Variants in KDR observed in about 807,000 individuals in gnomAD.
KDR encodes vascular endothelial growth factor receptor 2.
KDR carries 43 observed loss-of-function variants against 160.9 expected under a neutral mutation model. The ratio of observed to expected loss-of-function variants is 0.27; its 90% confidence interval spans 0.21 to 0.34. The LOEUF is 0.34. KDR is among the 10% of genes least tolerant of loss of function. The pLI, the probability that KDR is intolerant of heterozygous loss-of-function variation, is 1.00. For missense variants in KDR, 1,469 were observed against 1,666.4 expected, an observed-to-expected ratio of 0.88 and a Z score of 2.06; for synonymous variants, 617 against 600.1, an observed-to-expected ratio of 1.03 and a Z score of -0.41.
rs377518130 is a variant in KDR at position 55,089,949 on chromosome 4, A to T, written c.3192+7T>A. 3.5e-5 allele frequency: 57 copies of T among 1,614,014 alleles called. No homozygotes were observed. Among genetic ancestry groups the T allele is most frequent in the Middle Eastern group, 1.6e-4 (1 of 6,082 alleles). Reference sequence around the variant, plus strand: ...AACCAAGCACTGGGTTCATATTTGAAACTTACATCTCCTTTTCTGACATAA... The same window carrying T: ...AACCAAGCACTGGGTTCATATTTGATACTTACATCTCCTTTTCTGACATAA... On this transcript the variant is annotated splice_region_variant and intron_variant, in intron 23 of 29. Coordinates refer to ENST00000263923, the MANE Select transcript of KDR (RefSeq NM_002253.4).
In KDR at chr4:55,110,713, C is replaced by T. The variant is rs367820756; in HGVS notation, c.1032G>A (p.Val344=). ...SGMESLVEAT[V]GERVRIPAKY... is the part of the protein sequence containing the mutation. ...TCGCAGGGATTCTGACACGCTCCCC[C>T]ACCGTGGCTTCCACCAGAGATTCCA... Residue 344 remains valine, a synonymous_variant, in exon 8 of 30, where the codon GTG becomes GTA. Transcript: ENST00000263923. 6.2e-7 allele frequency: 1 copy of T among 1,613,602 alleles called. No homozygotes were observed.
intron 28 of KDR, 25 bp from the exon 29 acceptor site, chr4:55,082,066 AC>A (rs1383064959): frequency 6.9e-7 from 1 of 1,453,720 alleles, no homozygotes; most frequent in African/African-American, 1.4e-5. Flanking sequence ...ATGAGATGGC[AC>A]AGTTAATTGA....
intron 8 of KDR, 34 bp downstream of exon 8, chr4:55,110,620 G>T (rs751032533): frequency 4.3e-6 from 7 of 1,611,984 alleles, no homozygotes; most frequent in African/African-American, 1.3e-5. Flanking sequence ...GCTCTCACAC[G>T]AAATGATGCT....
At chr4:55,084,038 TA>T (rs1202457577) in intron 27 of KDR, among the ~76,000 whole-genome samples, 1 of 152,224 alleles carries the variant, frequency 6.6e-6, no homozygotes, top group African/African-American at 2.4e-5. Flanking sequence ...AGAAGCTGTC[TA>T]AGCAGCATCT....
At chr4:55,098,956 G>A (rs1294184590) in intron 15 of KDR, among the ~76,000 whole-genome samples, 153 bp from the exon 16 acceptor site, 2 of 151,690 alleles carry the variant, frequency 1.3e-5, no homozygotes, top group Non-Finnish European at 2.9e-5. Flanking sequence ...CTTGAATGGA[G>A]TCTACAGAAT....
Position 55,125,237 on chromosome 4 carries a change from G to A in KDR, c.57C>T (p.Ala19=), listed in dbSNP as rs997194004. ...GAGTGGGCTCCTTACCCACAGAGGC[G>A]GCCCGGGTCTCCACGCAGAGCCACA... ...VALWLCVETR[A]ASVGLPSVSL... is the part of the protein sequence containing the mutation. The change falls in exon 1 of 30, where the codon GCC becomes GCT. Residue 19 remains alanine, a synonymous_variant. Transcript: ENST00000263923. The A allele has an allele frequency of 2.9e-5, 46 of 1,612,588 alleles. No individual in the cohort carries two copies. Among genetic ancestry groups the A allele is most frequent in the Non-Finnish European group, 3.7e-5 (44 of 1,179,662 alleles).
At chr4:55,096,783 C>T in intron 18 of KDR, 1 of 266,112 alleles carries the variant, frequency 3.8e-6, no homozygotes, top group Non-Finnish European at 7.3e-6. Flanking sequence ...CCAATCTGTG[C>T]CGATCTGTGC....
At chr4:55,092,850 C>T in intron 21 of KDR, 136 bp from the exon 22 acceptor site, 1 of 697,556 alleles carries the variant, frequency 1.4e-6, no homozygotes, top group South Asian at 1.5e-5. Context: ...GTCAATGCTT[C>T]TATCTTCTGT....
At position 55,082,035 on chromosome 4, in the gene KDR, G is replaced by C. The variant is rs2110005298; in HGVS notation, c.3769C>G (p.Gln1257Glu). The C allele has an allele frequency of 6.2e-7, 1 of 1,612,492 alleles. No homozygotes were observed. Among genetic ancestry groups the C allele is most frequent in the Non-Finnish European group, 8.5e-7 (1 of 1,178,550 alleles). ...PEVKVIPDDNQTDSGMVLASE... is the reference protein window; with the variant it reads ...PEVKVIPDDNETDSGMVLASE... ...GCAAGAACCATACCACTGTCCGTCT[G>C]GTTGTCCTTTTTAAGAGACAATGAG... The change falls in exon 29 of 30, where the codon CAG becomes GAG. Residue 1257 changes from glutamine (Q) to glutamate (E), a missense_variant. Coordinates refer to ENST00000263923, the MANE Select transcript of KDR (RefSeq NM_002253.4).
chr4:55,098,305 C>T (rs1204679161), intron 16 of KDR, 33 bp from the exon 17 acceptor site: 2 of 1,613,024 alleles, frequency 1.2e-6, no homozygotes, highest in Middle Eastern at 1.7e-4. Flanking sequence ...GTCATAAACA[C>T]ACTGTTGTTT....
chr4:55,090,138 T>G, intron 22 of KDR, 60 bp from the exon 23 acceptor site: 1 of 1,600,400 alleles, frequency 6.2e-7, no homozygotes, highest in South Asian at 1.1e-5. Flanking sequence ...TCACATCTGT[T>G]GTGACCTCAT....
chr4:55,118,460 C>A (rs1720786169), intron 3 of KDR, 144 bp downstream of exon 3: 2 of 712,474 alleles, frequency 2.8e-6, no homozygotes, highest in Non-Finnish European at 5.0e-6. Context: ...TCAGAGAAAG[C>A]CTCAGGAGAG....
intron 5 of KDR, 58 bp from the exon 6 acceptor site, chr4:55,114,323 G>A: frequency 1.3e-6 from 2 of 1,564,446 alleles, no homozygotes; most frequent in Non-Finnish European, 1.8e-6. Context: ...CTATAACTTT[G>A]CACAGATTTA....
chr4:55,110,330 G>GGT, intron 9 of KDR, 73 bp downstream of exon 9: 1 of 1,479,476 alleles, frequency 6.8e-7, no homozygotes, highest in Non-Finnish European at 9.5e-7. Context: ...GCAGAGGAAC[G>GGT]GTGGTTTGGC....
In KDR at chr4:55,125,417, G is replaced by C. The variant is rs947406303; in HGVS notation, c.-124C>G. On this transcript the variant is annotated 5_prime_UTR_variant, in exon 1 of 30. Transcript: ENST00000263923. ...ACCCCGCAGCGCAGGACAGTTGAGC[G>C]CACAGGGCTAGGGAGCCCGGGCGCC... The C allele has an allele frequency of 7.8e-7, 1 of 1,277,542 alleles. No individual in the cohort carries two copies. The allele number at this position is 1,277,542 out of a possible 1,614,324, so 79.1% of individuals were successfully genotyped here.
Position 55,115,021 on chromosome 4 carries a change from C to A in KDR, c.511G>T (p.Val171Phe). The A allele has an allele frequency of 6.2e-7, 1 of 1,613,512 alleles. No homozygotes were observed. Among genetic ancestry groups the A allele is most frequent in the South Asian group, 1.1e-5 (1 of 91,060 alleles). ...CAGGAAATTCTGTTACCATCAGGAA[C>A]AAATCTCTTTTCTGGGTATCTCTGG... Reference protein sequence around the residue: ...LCARYPEKRFVPDGNRISWDS... With the variant: ...LCARYPEKRFFPDGNRISWDS... The change falls in exon 5 of 30, where the codon GTT becomes TTT. Residue 171 changes from valine (V) to phenylalanine (F), a missense_variant. Physicochemically the swap from Val to Phe is conservative, Grantham distance 50. Around this residue, in one of 7 missense-constraint regions of KDR, gnomAD observed 792 missense variants for 840.9 expected, o/e 0.94. Transcript: ENST00000263923.
chr4:55,092,712 G>T lies in KDR; in HGVS notation c.2974C>A (p.Pro992Thr). Residue 992 changes from proline (P) to threonine (T), a missense_variant and splice_region_variant, in exon 22 of 30, where the codon CCT becomes ACT. By Grantham distance (38) the Pro-to-Thr change is conservative (BLOSUM62 -1). Coordinates refer to ENST00000263923, the MANE Select transcript of KDR (RefSeq NM_002253.4). ...AGGAAGTCCTTATACAGATCTTCAG[G>T]AGCTGTCCAAAGAGGCAGGAGGATG... ...SLSDVEEEEA[P>T]EDLYKDFLTL... 6.2e-7 allele frequency: 1 copy of T among 1,610,218 alleles called. No individual in the cohort carries two copies. Among genetic ancestry groups the T allele is most frequent in the Non-Finnish European group, 8.5e-7 (1 of 1,176,480 alleles).
rs41520946 is a variant in KDR, at chr4:55,082,426, G to A, written c.3762+110C>T. The A allele has an allele frequency of 1.8e-3, 1,453 of 812,610 alleles. 15 individuals are homozygous for A. The highest frequency in any genetic ancestry group is 0.018 in the African/African-American group (1,038 of 58,460). 50.3% of individuals were successfully genotyped at this position (812,610 alleles called of 1,614,324 possible). A position where few individuals can be genotyped will look rare whatever the true frequency, so the allele number is the denominator to read the frequency against. ...TGACCCCATGATACACACACTCGAG[G>A]GCAGCCTTCTAATGAGGCTCCAAAA... is the stretch of plus-strand genomic sequence containing the variant. On this transcript the variant is annotated intron_variant, in intron 28 of 29. Coordinates refer to ENST00000263923, the MANE Select transcript of KDR (RefSeq NM_002253.4).
chr4:55,095,673 C>A lies in KDR; in HGVS notation c.2729-8G>T. ...CAATCACCATGAGTGGCCCTGCAGG[C>A]AGCATGTCCAGGAAGGAAAATGGGT... On this transcript the variant is annotated splice_region_variant and splice_polypyrimidine_tract_variant and intron_variant, in intron 19 of 29. Transcript: ENST00000263923. The A allele has an allele frequency of 6.2e-7, 1 of 1,608,588 alleles. No individual in the cohort carries two copies. Among genetic ancestry groups the A allele is most frequent in the South Asian group, 1.1e-5 (1 of 90,956 alleles).
Sources: gnomAD v4.1 joint callset for allele counts (sites outside exome capture counted in the v4.1 genomes callset) on GRCh38, gnomAD v4.1.1 for gene constraint, gnomAD v4.1.1 regional missense constraint, MANE v1.5 for transcripts, NCBI Gene and HGNC (gene_info 2026-07-23, HGNC 2026-07-21) for gene names.